Variants in ELOC observed in about 807,000 individuals in gnomAD.
The protein encoded by ELOC is elongin C.
For synonymous variants in ELOC, 40 were observed against 51.3 expected (o/e 0.78, Z 0.94); for missense variants, 38 against 139.0 (o/e 0.27, Z 3.65).
intron 3 of ELOC, among the ~76,000 whole-genome samples, chr8:73,955,269 G>C (rs1293071636): frequency 6.6e-6 from 1 of 152,150 alleles, no homozygotes; most frequent in South Asian, 2.1e-4. Context: ...AGGAGTTCAA[G>C]ACCAGCCTGG....
intron 1 of ELOC, among the ~76,000 whole-genome samples, chr8:73,964,093 C>CAAAA (rs61094442): frequency 0.053 from 4,263 of 79,896 alleles, 460 homozygotes; most frequent in Admixed American, 0.13. Context: ...AATTCCGTCT[C>CAAAA]AAAAAAAAAA....
At chr8:73,954,842 A>C (rs1814042354) in intron 3 of ELOC, among the ~76,000 whole-genome samples, 2 of 149,928 alleles carry the variant, frequency 1.3e-5, no homozygotes, top group Non-Finnish European at 3.0e-5. Flanking sequence ...GACCAGTCCG[A>C]CCAATATGGT....
intron 1 of ELOC, among the ~76,000 whole-genome samples, chr8:73,968,299 C>A (rs1815124901): frequency 6.6e-6 from 1 of 152,166 alleles, no homozygotes; most frequent in Non-Finnish European, 1.5e-5. Context: ...ATTCATCCTT[C>A]CCAGACAACC....
chr8:73,948,646 C>G (rs1270908608), intron 3 of ELOC, among the ~76,000 whole-genome samples: 1 of 152,178 alleles, frequency 6.6e-6, no homozygotes, highest in Non-Finnish European at 1.5e-5. Flanking sequence ...AAAAATACTA[C>G]TTAAAAGAAA....
intron 1 of ELOC, among the ~76,000 whole-genome samples, chr8:73,966,157 C>T (rs1814954650): frequency 6.6e-6 from 1 of 152,084 alleles, no homozygotes; most frequent in South Asian, 2.1e-4. Flanking sequence ...CACCTAGGCA[C>T]TGGGGACAGA....
chr8:73,957,172 C>CAA (rs75391050), intron 2 of ELOC, among the ~76,000 whole-genome samples: 3 of 128,724 alleles, frequency 2.3e-5, no homozygotes, highest in African/African-American at 5.9e-5. Flanking sequence ...GACCCTGTCT[C>CAA]AAAAAAAAAA....
At chr8:73,971,531 A>T (rs1001637705) in intron 1 of ELOC, among the ~76,000 whole-genome samples, 15 of 152,124 alleles carry the variant, frequency 9.9e-5, no homozygotes, top group Non-Finnish European at 2.9e-5. Flanking sequence ...AGAGAAACTC[A>T]ATGGGCACAG....
intron 2 of ELOC, 127 bp downstream of exon 2, chr8:73,959,638 G>A: frequency 1.4e-6 from 1 of 702,316 alleles, no homozygotes; most frequent in African/African-American, 1.8e-5. Context: ...GTAAACATAA[G>A]CTGTTGATGT....
chr8:73,967,780 G>C (rs1482492878), intron 1 of ELOC, among the ~76,000 whole-genome samples: 1 of 152,152 alleles, frequency 6.6e-6, no homozygotes, highest in Non-Finnish European at 1.5e-5. Context: ...TAATTTTCAT[G>C]TTATAAAATA....
At chr8:73,954,844 C>A (rs1814042687) in intron 3 of ELOC, among the ~76,000 whole-genome samples, 1 of 151,138 alleles carries the variant, frequency 6.6e-6, no homozygotes, top group Admixed American at 6.6e-5. Context: ...CCAGTCCGAC[C>A]AATATGGTGA....
intron 3 of ELOC, chr8:73,955,556 A>C (rs1814110336): frequency 5.4e-6 from 1 of 184,422 alleles, no homozygotes; most frequent in East Asian, 1.5e-4. Flanking sequence ...CAGTGAGCCA[A>C]GATTGTGCCA....
intron 1 of ELOC, among the ~76,000 whole-genome samples, chr8:73,967,948 C>T (rs1563688506): frequency 1.3e-5 from 2 of 152,128 alleles, no homozygotes; most frequent in Non-Finnish European, 2.9e-5. Flanking sequence ...CCCCATTCCT[C>T]GAGGTTCACA....
intron 1 of ELOC, 84 bp from the exon 2 acceptor site, chr8:73,959,902 A>G (rs554502756): frequency 3.7e-5 from 23 of 624,252 alleles, no homozygotes; most frequent in Non-Finnish European, 5.8e-5. Context: ...CTTGGTGTTA[A>G]AAGTTTAAGA....
chr8:73,965,864 A>T (rs997692985), intron 1 of ELOC, among the ~76,000 whole-genome samples: 3 of 152,230 alleles, frequency 2.0e-5, no homozygotes, highest in African/African-American at 7.2e-5. Context: ...AGGAGGAATA[A>T]GAGTTGGTCG....
rs766064683 is a variant in ELOC at position 73,956,031 on chromosome 8, C to T, written c.28G>A (p.Gly10Ser). 1.9e-6 allele frequency: 3 copies of T among 1,613,100 alleles called. No individual in the cohort carries two copies. Among genetic ancestry groups the T allele is most frequent in the South Asian group, 2.2e-5 (2 of 90,900 alleles). MDGEEKTYG[G>S]CEGPDAMYVK... The stretch of plus-strand genomic sequence containing the variant: ...TACATGGCATCAGGTCCTTCACAGC[C>T]ACCATAGGTTTTCTCCTCTCCATCT... Residue 10 changes from glycine (G) to serine (S), a missense_variant, in exon 3 of 4, where the codon GGC becomes AGC. By Grantham distance (56) the Gly-to-Ser change is moderately conservative. Transcript: ENST00000520242.
At chr8:73,971,459 T>A (rs1004926996) in intron 1 of ELOC, among the ~76,000 whole-genome samples, 1 of 152,136 alleles carries the variant, frequency 6.6e-6, no homozygotes, top group Non-Finnish European at 1.5e-5. Context: ...GGAGTAGAAA[T>A]GCTCACGCTA....
At chr8:73,966,562 T>G in intron 1 of ELOC, among the ~76,000 whole-genome samples, 1 of 151,718 alleles carries the variant, frequency 6.6e-6, no homozygotes, top group Non-Finnish European at 1.5e-5. Context: ...CCTGGCTCAG[T>G]GCAGCCTCAA....
chr8:73,964,552 T>C (rs1814839483), intron 1 of ELOC: 2 of 151,858 alleles, frequency 1.3e-5, no homozygotes, highest in Non-Finnish European at 2.9e-5. Context: ...TCGCAACACT[T>C]TGGGAGGGAG....
rs1012623037 is a variant in ELOC, at chr8:73,945,444, G to A, written c.*1186C>T. Reference sequence around the variant, plus strand: ...ATATTAAGCCAGTCTCAAATAAGCTGGAGACTTAAGTTTATAGACCCTATA... The same window carrying A: ...ATATTAAGCCAGTCTCAAATAAGCTAGAGACTTAAGTTTATAGACCCTATA... On this transcript the variant is annotated 3_prime_UTR_variant, in exon 4 of 4. Coordinates refer to ENST00000520242, the MANE Select transcript of ELOC (RefSeq NM_005648.4). 4 of 152,050 alleles carry A rather than the reference G, an allele frequency of 2.6e-5. No individual in the cohort carries two copies. Among genetic ancestry groups the A allele is most frequent in the African/African-American group, 7.2e-5 (3 of 41,422 alleles). 9.4% of individuals were successfully genotyped at this position (152,050 alleles called of 1,614,324 possible). A position where few individuals can be genotyped will look rare whatever the true frequency, so the allele number is the denominator to read the frequency against.
Sources: gnomAD v4.1 joint callset for allele counts (sites outside exome capture counted in the v4.1 genomes callset) on GRCh38, gnomAD v4.1.1 for gene constraint, MANE v1.5 for transcripts, NCBI Gene and HGNC (gene_info 2026-07-23, HGNC 2026-07-21) for gene names.